Variants in SRGAP1 observed in about 807,000 individuals in gnomAD.
The protein encoded by SRGAP1 is SLIT-ROBO Rho GTPase activating protein 1, also known as SLIT-ROBO Rho GTPase-activating protein 1.
SRGAP1 carries 43 observed loss-of-function variants against 121.9 expected under a neutral mutation model. The observed-to-expected ratio is 0.35, with a 90% CI of 0.28 to 0.46. The LOEUF is 0.46. SRGAP1 is among the 20% of genes least tolerant of loss of function. The probability of loss-of-function intolerance (pLI) is 1.00; values close to 1 mark genes in which losing one functional copy is unlikely to be tolerated. For missense variants in SRGAP1, 1,102 were observed against 1,350.9 expected (o/e 0.82, Z 2.89); for synonymous variants, 447 against 485.4 (o/e 0.92, Z 1.04).
chr12:64,078,977 A>G lies in SRGAP1; in HGVS notation c.1184A>G (p.Asp395Gly). ...QTIQDMVTIE[D>G]YDVSECFQHS... ...ATACAAGATATGGTCACCATCGAGGACTATGATGTTTCTGAATGCTTCCAG... is the reference window on the plus strand; with the variant it reads ...ATACAAGATATGGTCACCATCGAGGGCTATGATGTTTCTGAATGCTTCCAG... Residue 395 changes from aspartate to glycine, a missense_variant, in exon 9 of 22, where the codon GAC (aspartate) becomes GGC (glycine). By Grantham distance (94) the Asp-to-Gly change is moderately conservative. This residue lies in a region of SRGAP1 where 747 missense variants were observed against 929.4 expected (regional missense o/e 0.80). Transcript: ENST00000355086. 2 of 1,614,124 alleles carry G rather than the reference A, an allele frequency of 1.2e-6. No individual in the cohort carries two copies. Among genetic ancestry groups the G allele is most frequent in the Non-Finnish European group, 1.7e-6 (2 of 1,180,010 alleles).
chr12:64,071,140 C>T (rs2035629456), intron 8 of SRGAP1, among the ~76,000 whole-genome samples: 1 of 152,130 alleles, frequency 6.6e-6, no homozygotes, highest in South Asian at 2.1e-4. Context: ...AAAATAGGAT[C>T]AACCGTCTTT....
chr12:64,014,875 GC>G (rs2034358104), intron 3 of SRGAP1, among the ~76,000 whole-genome samples: 1 of 152,110 alleles, frequency 6.6e-6, no homozygotes, highest in Non-Finnish European at 1.5e-5. Flanking sequence ...GGAGTGCAGT[GC>G]TGTGATCTCG....
intron 1 of SRGAP1, among the ~76,000 whole-genome samples, chr12:63,905,761 G>A (rs1178975440): frequency 6.6e-6 from 1 of 152,208 alleles, no homozygotes; most frequent in Non-Finnish European, 1.5e-5. Context: ...ACATACTTCA[G>A]TAAACCCTTT....
At chr12:64,049,469 G>GC in intron 6 of SRGAP1, among the ~76,000 whole-genome samples, 1 of 152,134 alleles carries the variant, frequency 6.6e-6, no homozygotes, top group Non-Finnish European at 1.5e-5. Context: ...GCAAGGAAAA[G>GC]CCCCATATAA....
intron 15 of SRGAP1, among the ~76,000 whole-genome samples, chr12:64,105,541 C>T (rs1226249773): frequency 3.9e-5 from 6 of 152,050 alleles, no homozygotes; most frequent in Admixed American, 3.3e-4. Flanking sequence ...CCCAGCACTT[C>T]GGGAGGCTGA....
rs150786194 is a variant in SRGAP1 at position 64,090,134 on chromosome 12, A to G, written c.1437-1142A>G. 1.8e-4 allele frequency among the ~76,000 whole-genome samples: 27 copies of G among 152,334 alleles called. No individual in the cohort carries two copies. In the East Asian group the frequency reaches 5.0e-3, roughly 28 times the overall value. Reference sequence around the variant, plus strand: ...TCCTTCCATGTATTTCATTCAGCACAGTAGTAGAAGTTGAGTCAGGTAATT... The same window carrying G: ...TCCTTCCATGTATTTCATTCAGCACGGTAGTAGAAGTTGAGTCAGGTAATT... On this transcript the variant is annotated intron_variant, in intron 11 of 21. Transcript: ENST00000355086.
chr12:63,913,830 A>G lies in SRGAP1; in HGVS notation c.67+68947A>G, dbSNP rs1592941151. On this transcript the variant is annotated intron_variant, in intron 1 of 21. Transcript: ENST00000355086. ...TTTATGACTCTGGAATCTAATAATA[A>G]AAATTGGAGATTGCATTTTTATATC... Among the ~76,000 whole-genome samples, 3 of 152,204 alleles carry G rather than the reference A, an allele frequency of 2.0e-5. No homozygotes were observed. The East Asian group carries it at 5.8e-4, about 29-fold the overall frequency.
At chr12:63,845,315 A>G (rs897088405) in intron 1 of SRGAP1, among the ~76,000 whole-genome samples, 2 of 152,202 alleles carry the variant, frequency 1.3e-5, no homozygotes, top group African/African-American at 4.8e-5. Context: ...CAAGCGGTCT[A>G]CAGCCTCATT....
rs908281431 is a variant in SRGAP1 at position 64,016,363 on chromosome 12, T to C, written c.427-587T>C. Among the ~76,000 whole-genome samples, 52 of 152,236 alleles carry C rather than the reference T, an allele frequency of 3.4e-4. 1 individual carries two copies. Among genetic ancestry groups the C allele is most frequent in the African/African-American group, 1.2e-3 (49 of 41,546 alleles). On this transcript the variant is annotated intron_variant, in intron 3 of 21. Transcript: ENST00000355086. Reference sequence around the variant, plus strand: ...CTAGTTGGGTTTGGTTGCATGCCCCTGTAGTCTCAGCTATTCGGGAGGCTG... The same window carrying C: ...CTAGTTGGGTTTGGTTGCATGCCCCCGTAGTCTCAGCTATTCGGGAGGCTG...
Position 64,017,013 on chromosome 12 carries a change from G to A in SRGAP1, c.489+1G>A. The A allele has an allele frequency of 6.6e-7, 1 of 1,509,286 alleles. No homozygotes were observed. 93.5% of individuals were successfully genotyped at this position (1,509,286 alleles called of 1,614,324 possible). ...GAAGGTTCTTAATGAGCTTTATACG[G>A]TAAGGACATAATCTTTCTTCTTTTC... is the stretch of plus-strand genomic sequence containing the variant. On this transcript the variant is annotated splice_donor_variant, in intron 4 of 21. Transcript: ENST00000355086. LOFTEE classifies it high-confidence loss of function.
intron 1 of SRGAP1, among the ~76,000 whole-genome samples, chr12:63,923,034 C>A (rs144452305): frequency 2.8e-4 from 43 of 152,336 alleles, no homozygotes; most frequent in African/African-American, 9.6e-4. Context: ...TGGGAACTCA[C>A]TGTTGGTACA....
chr12:64,041,556 T>C (rs1179743868), intron 4 of SRGAP1, among the ~76,000 whole-genome samples: 1 of 151,786 alleles, frequency 6.6e-6, no homozygotes, highest in Non-Finnish European at 1.5e-5. Flanking sequence ...AGCTAATTTT[T>C]TTATATTTGT....
intron 1 of SRGAP1, among the ~76,000 whole-genome samples, chr12:63,897,011 C>T (rs1256495512): frequency 2.6e-5 from 4 of 152,102 alleles, no homozygotes; most frequent in African/African-American, 7.2e-5. Flanking sequence ...TGGGGCTACA[C>T]GAGGGAGATG....
chr12:63,852,555 T>C (rs1456678392), intron 1 of SRGAP1, among the ~76,000 whole-genome samples: 1 of 152,196 alleles, frequency 6.6e-6, no homozygotes, highest in African/African-American at 2.4e-5. Flanking sequence ...TTCATGCAAG[T>C]GCAAGTAACA....
At chr12:63,992,814 A>T (rs1017444038) in intron 3 of SRGAP1, among the ~76,000 whole-genome samples, 1 of 152,046 alleles carries the variant, frequency 6.6e-6, no homozygotes, top group Non-Finnish European at 1.5e-5. Flanking sequence ...GTTCTCAAAG[A>T]ATTTCATCCT....
chr12:64,013,345 C>T (rs981175635), intron 3 of SRGAP1, among the ~76,000 whole-genome samples: 1 of 152,148 alleles, frequency 6.6e-6, no homozygotes, highest in African/African-American at 2.4e-5. Flanking sequence ...TTATCTGGCC[C>T]AAGTATCTGT....
chr12:64,024,269 A>G (rs1189022593), intron 4 of SRGAP1, among the ~76,000 whole-genome samples: 1 of 152,116 alleles, frequency 6.6e-6, no homozygotes, highest in Non-Finnish European at 1.5e-5. Flanking sequence ...TCTCTCCTAA[A>G]AAATTAATAA....
chr12:63,907,495 G>A (rs992693346), intron 1 of SRGAP1, among the ~76,000 whole-genome samples: 2 of 151,734 alleles, frequency 1.3e-5, no homozygotes, highest in South Asian at 4.2e-4. Context: ...CTGAGATCAC[G>A]CCATTGCACA....
intron 1 of SRGAP1, among the ~76,000 whole-genome samples, chr12:63,900,888 A>G (rs1212883676): frequency 1.3e-5 from 2 of 152,160 alleles, no homozygotes; most frequent in Admixed American, 1.3e-4. Context: ...AATGTATGCT[A>G]AAGAAAAGGT....
Sources: gnomAD v4.1 joint callset for allele counts (sites outside exome capture counted in the v4.1 genomes callset) on GRCh38, gnomAD v4.1.1 for gene constraint, gnomAD v4.1.1 regional missense constraint, MANE v1.5 for transcripts, NCBI Gene and HGNC (gene_info 2026-07-23, HGNC 2026-07-21) for gene names.